Variants in RLIG1 observed in about 807,000 individuals in gnomAD.
RLIG1 encodes the protein RNA 5'-phosphate and 3'-OH ligase 1, also known as RNA ligase 1.
the RLIG1 span, chr12:88,048,438 AGTTT>A: frequency 8.0e-7 from 1 of 1,257,338 alleles, no homozygotes. Context: ...AAATAAAATT[AGTTT>A]ATCATTATAT....
chr12:88,046,136 A>T, the RLIG1 span, among the ~76,000 whole-genome samples: 2 of 152,174 alleles, frequency 1.3e-5, no homozygotes, highest in Non-Finnish European at 2.9e-5. Context: ...AGCCAACGGT[A>T]TAAAGAATTG....
the RLIG1 span, chr12:88,045,462 T>A: frequency 1.4e-6 from 1 of 696,908 alleles, no homozygotes; most frequent in Non-Finnish European, 2.4e-6. Flanking sequence ...TAAAGTAATA[T>A]CTCTTTGCGA....
the RLIG1 span, chr12:88,049,261 C>A: frequency 6.2e-7 from 1 of 1,609,852 alleles, no homozygotes; most frequent in South Asian, 1.1e-5. Flanking sequence ...CTAGTTAATT[C>A]AACTCCCAAT....
the RLIG1 span, among the ~76,000 whole-genome samples, chr12:88,037,828 CT>C: frequency 6.6e-6 from 1 of 152,070 alleles, no homozygotes; most frequent in Non-Finnish European, 1.5e-5. Flanking sequence ...CAGATACAGA[CT>C]ATAGAAGTGG....
chr12:88,048,040 C>T, the RLIG1 span, among the ~76,000 whole-genome samples: 1 of 151,916 alleles, frequency 6.6e-6, no homozygotes, highest in African/African-American at 2.4e-5. Flanking sequence ...CTTCATGAAG[C>T]TCACATTCTA....
chr12:88,048,373 T>C, the RLIG1 span: 8 of 1,584,244 alleles, frequency 5.0e-6, no homozygotes, highest in Non-Finnish European at 6.9e-6. Flanking sequence ...TTTTTAAAAA[T>C]AGATAATCAG....
chr12:88,035,666 C>G, the RLIG1 span: 1 of 1,607,520 alleles, frequency 6.2e-7, no homozygotes, highest in Non-Finnish European at 8.5e-7. Flanking sequence ...GCTTGGGCTC[C>G]GTGCAGCGGA....
At chr12:88,048,473 C>A in the RLIG1 span, 1 of 924,744 alleles carries the variant, frequency 1.1e-6, no homozygotes, top group Non-Finnish European at 1.5e-6. Context: ...AATATTCTAC[C>A]ATATTTAAAA....
the RLIG1 span, among the ~76,000 whole-genome samples, chr12:88,037,292 G>T: frequency 1.3e-5 from 2 of 152,098 alleles, no homozygotes; most frequent in Non-Finnish European, 2.9e-5. Context: ...AGAAATTGTA[G>T]AGGGCCACTC....
At chr12:88,045,498 T>G in the RLIG1 span, 1 of 1,013,448 alleles carries the variant, frequency 9.9e-7, no homozygotes. Context: ...CATGAGAAAT[T>G]TACAACAAAA....
chr12:88,036,533 G>A, the RLIG1 span, among the ~76,000 whole-genome samples: 4 of 152,154 alleles, frequency 2.6e-5, no homozygotes, highest in South Asian at 8.3e-4. Flanking sequence ...AGATTGCCCT[G>A]TTATCTTTAG....
the RLIG1 span, among the ~76,000 whole-genome samples, chr12:88,039,217 C>G: frequency 6.6e-6 from 1 of 152,050 alleles, no homozygotes; most frequent in Non-Finnish European, 1.5e-5. Context: ...AACTATCTTC[C>G]GTCTCTTTTG....
At chr12:88,045,819 C>T in the RLIG1 span, 1 of 1,504,678 alleles carries the variant, frequency 6.6e-7, no homozygotes, top group South Asian at 1.2e-5. Flanking sequence ...TTGTAACTGA[C>T]ATTTATAAAG....
At chr12:88,039,145 A>G in the RLIG1 span, among the ~76,000 whole-genome samples, 1 of 152,164 alleles carries the variant, frequency 6.6e-6, no homozygotes, top group Non-Finnish European at 1.5e-5. Flanking sequence ...CAAATTTTCT[A>G]TAATGAGCAT....
chr12:88,037,875 A>G, the RLIG1 span, among the ~76,000 whole-genome samples: 2 of 152,210 alleles, frequency 1.3e-5, no homozygotes, highest in African/African-American at 4.8e-5. Flanking sequence ...TAAATTATAG[A>G]TAAAAAGTTA....
chr12:88,049,170 T>C, the RLIG1 span: 1 of 1,486,198 alleles, frequency 6.7e-7, no homozygotes. Context: ...TGAAACAAAG[T>C]TTATAGGTGA....
At chr12:88,045,478 A>G in the RLIG1 span, 104 of 787,924 alleles carry the variant, frequency 1.3e-4, 1 homozygote, top group Non-Finnish European at 4.0e-5. Context: ...TGCGATAGAC[A>G]CCCAGAAAAC....
chr12:88,038,941 G>T, the RLIG1 span, among the ~76,000 whole-genome samples: 1 of 152,008 alleles, frequency 6.6e-6, no homozygotes, highest in East Asian at 1.9e-4. Flanking sequence ...GGAAAAACAT[G>T]AAAAAAGTAA....
chr12:88,038,282 G>A, the RLIG1 span, among the ~76,000 whole-genome samples: 2 of 151,952 alleles, frequency 1.3e-5, no homozygotes, highest in African/African-American at 2.4e-5. Context: ...TGATGCCAGC[G>A]GGTTTTACTC....
Sources: allele counts gnomAD v4.1 joint callset (sites outside exome capture counted in the v4.1 genomes callset), GRCh38; gene constraint gnomAD v4.1.1; transcripts MANE v1.5; gene names NCBI Gene and HGNC (gene_info 2026-07-23, HGNC 2026-07-21).